The following CD59 variants were observed in gnomAD, a reference collection of about 807,000 sequenced individuals.
The protein encoded by CD59 is CD59 molecule (CD59 blood group).
Under a neutral mutation model 7.0 loss-of-function variants are expected in CD59, and 3 were observed. That is an observed-to-expected ratio of 0.43 (90% CI 0.19 to 1.10). CD59 has a LOEUF of 1.10. Ranked by LOEUF, CD59 falls within the 50% of genes least tolerant of loss-of-function variation. The pLI, the probability that CD59 is intolerant of heterozygous loss-of-function variation, is 0.29. For missense variants in CD59, 143 were observed against 151.0 expected, an observed-to-expected ratio of 0.95 and a Z score of 0.28; for synonymous variants, 60 against 62.0, an observed-to-expected ratio of 0.97 and a Z score of 0.15.
chr11:33,713,440 C>T (rs1853652332), intron 3 of CD59, among the ~76,000 whole-genome samples: 1 of 152,210 alleles, frequency 6.6e-6, no homozygotes, highest in Admixed American at 6.5e-5. Context: ...GCATAACTGT[C>T]CTGTCCTCCT....
At chr11:33,720,121 A>G (rs1170492587) in intron 2 of CD59, among the ~76,000 whole-genome samples, 1 of 152,238 alleles carries the variant, frequency 6.6e-6, no homozygotes, top group African/African-American at 2.4e-5. Flanking sequence ...CATGGCAAAC[A>G]TGTTCATTCA....
At chr11:33,733,856 T>C (rs940911725) in intron 1 of CD59, among the ~76,000 whole-genome samples, 1 of 152,206 alleles carries the variant, frequency 6.6e-6, no homozygotes, top group African/African-American at 2.4e-5. Flanking sequence ...CCCATGAGTA[T>C]GGTTACTCCT....
At chr11:33,710,474 G>T in intron 3 of CD59, 131 bp from the exon 4 acceptor site, 1 of 740,226 alleles carries the variant, frequency 1.4e-6, no homozygotes. Context: ...CATCCCAGGT[G>T]GGTTGTAAAG....
intron 3 of CD59, among the ~76,000 whole-genome samples, chr11:33,715,476 T>C (rs1853747436): frequency 6.6e-6 from 1 of 152,186 alleles, no homozygotes; most frequent in Non-Finnish European, 1.5e-5. Context: ...GGCTTATGCC[T>C]GTAATCCCAA....
intron 3 of CD59, among the ~76,000 whole-genome samples, chr11:33,716,600 G>A (rs904446823): frequency 1.3e-5 from 2 of 152,214 alleles, no homozygotes; most frequent in African/African-American, 4.8e-5. Context: ...GCATGTCTTT[G>A]CTGGTTTCTT....
In CD59 at chr11:33,722,364, G is replaced by A; in HGVS notation, c.67+15C>T. 1 of 1,588,634 alleles carries A rather than the reference G, an allele frequency of 6.3e-7. No individual in the cohort carries two copies. On this transcript the variant is annotated intron_variant, in intron 2 of 3. Coordinates refer to ENST00000642928, the MANE Select transcript of CD59 (RefSeq NM_000611.6). ...AAGGCAGCCTAGATCCATGTCCTGA[G>A]ACTGGAGCACTCACCTGAATGGCAG...
At chr11:33,731,641 C>G (rs943382685) in intron 1 of CD59, among the ~76,000 whole-genome samples, 1 of 152,092 alleles carries the variant, frequency 6.6e-6, no homozygotes, top group Admixed American at 6.6e-5. Flanking sequence ...TCAGGTGCTG[C>G]GTTTCTGCTG....
chr11:33,710,916 T>C (rs1464317782), intron 3 of CD59, among the ~76,000 whole-genome samples: 1 of 151,592 alleles, frequency 6.6e-6, no homozygotes, highest in Non-Finnish European at 1.5e-5. Context: ...AAAAACCCAG[T>C]CCATTAATTT....
chr11:33,714,997 A>G (rs1038382113), intron 3 of CD59, among the ~76,000 whole-genome samples: 1 of 150,266 alleles, frequency 6.7e-6, no homozygotes, highest in African/African-American at 2.5e-5. Context: ...AGGCTAGAGT[A>G]CAATGGCACG....
chr11:33,711,598 A>G, intron 3 of CD59: 1 of 566,276 alleles, frequency 1.8e-6, no homozygotes, highest in Non-Finnish European at 3.1e-6. Context: ...GATCACTTGG[A>G]CTCAGGACTT....
rs1219462979 is a variant in CD59, at chr11:33,704,270, T to C, written c.*5856A>G. On this transcript the variant is annotated 3_prime_UTR_variant, in exon 4 of 4. Coordinates refer to ENST00000642928, the MANE Select transcript of CD59 (RefSeq NM_000611.6). ...CTGAACCCCAATTGTCTCTGATCTA[T>C]AAAATGAAGACAGTATCTACTTCAT... The C allele has an allele frequency of 6.6e-6, 1 of 152,208 alleles. No individual in the cohort carries two copies. Among genetic ancestry groups the C allele is most frequent in the Non-Finnish European group, 1.5e-5 (1 of 68,044 alleles). The allele number at this position is 152,208 out of a possible 1,614,324, so 9.4% of individuals were successfully genotyped here.
Position 33,710,239 on chromosome 11 carries a change from C to T in CD59, c.274G>A (p.Asp92Asn), listed in dbSNP as rs758095639. 1.4e-5 allele frequency: 22 copies of T among 1,613,994 alleles called. No individual in the cohort carries two copies. Among genetic ancestry groups the T allele is most frequent in the South Asian group, 3.3e-5 (3 of 91,088 alleles). The change falls in exon 4 of 4, where the codon GAC becomes AAC. Residue 92 changes from aspartate to asparagine, a missense_variant. Transcript: ENST00000642928. Reference sequence around the variant, plus strand: ...AGCTGTTCGTTAAAGTTACACAGGTCCTTCTTGCAGCAGTAGTACGTTAGC... The same window carrying T: ...AGCTGTTCGTTAAAGTTACACAGGTTCTTCTTGCAGCAGTAGTACGTTAGC... ...NELTYYCCKK[D>N]LCNFNEQLEN...
chr11:33,714,685 CTTATT>C (rs1853709051), intron 3 of CD59, among the ~76,000 whole-genome samples: 1 of 152,102 alleles, frequency 6.6e-6, no homozygotes. Flanking sequence ...TCTTTCTATT[CTTATT>C]TTATAAGCTT....
Position 33,730,358 on chromosome 11 carries a change from T to G in CD59, c.-19+6024A>C, listed in dbSNP as rs540845030. ...TGAGCCTGGGAGGTTGAGGCTGCAG[T>G]GGGCCAAGACACACCACTGCACTCC... On this transcript the variant is annotated intron_variant, in intron 1 of 3. Transcript: ENST00000642928. Among the ~76,000 whole-genome samples the G allele has an allele frequency of 6.6e-4, 101 of 152,098 alleles. 1 individual carries two copies. The highest frequency in any genetic ancestry group is 1.2e-3 in the Non-Finnish European group (83 of 67,982).
At chr11:33,732,194 A>G (rs547776274) in intron 1 of CD59, among the ~76,000 whole-genome samples, 2 of 151,998 alleles carry the variant, frequency 1.3e-5, no homozygotes, top group African/African-American at 4.8e-5. Flanking sequence ...CTTTATCAGC[A>G]GCATGAAAAT....
chr11:33,735,282 A>C (rs1307818658), intron 1 of CD59, among the ~76,000 whole-genome samples: 2 of 152,208 alleles, frequency 1.3e-5, no homozygotes, highest in Non-Finnish European at 1.5e-5. Context: ...GCTTTCCGTC[A>C]ATCATCTCAA....
rs973451385 is a variant in CD59 at position 33,705,538 on chromosome 11, G to C, written c.*4588C>G. 2 of 152,224 alleles carry C rather than the reference G, an allele frequency of 1.3e-5. No homozygotes were observed. The highest frequency in any genetic ancestry group is 1.3e-4 in the Admixed American group (2 of 15,278). The allele number at this position is 152,224 out of a possible 1,614,324, so 9.4% of individuals were successfully genotyped here. On this transcript the variant is annotated 3_prime_UTR_variant, in exon 4 of 4. Transcript: ENST00000642928. Reference sequence around the variant, plus strand: ...CAGGTTCTTCAGCCTTTGGAATCTAGGACTTGCACCAGTGGGTTGGTTGCC... The same window carrying C: ...CAGGTTCTTCAGCCTTTGGAATCTACGACTTGCACCAGTGGGTTGGTTGCC...
At chr11:33,733,199 G>C (rs149179940) in intron 1 of CD59, among the ~76,000 whole-genome samples, 19 of 152,318 alleles carry the variant, frequency 1.2e-4, no homozygotes, top group Non-Finnish European at 2.8e-4. Context: ...GCAGCACAGA[G>C]CCCTGCCACC....
rs769448443 is a variant in CD59, at chr11:33,726,686, T to C, written c.-18-4223A>G. Reference sequence around the variant, plus strand: ...AAGAAATAACTAAGATCAGAGCAGATGTGAAGGAGATAGAGATACAAAAGA... The same window carrying C: ...AAGAAATAACTAAGATCAGAGCAGACGTGAAGGAGATAGAGATACAAAAGA... On this transcript the variant is annotated intron_variant, in intron 1 of 3. Coordinates refer to ENST00000642928, the MANE Select transcript of CD59 (RefSeq NM_000611.6). 5.0e-4 allele frequency among the ~76,000 whole-genome samples: 76 copies of C among 152,016 alleles called. 1 individual carries two copies. The highest frequency in any genetic ancestry group is 9.0e-4 in the Non-Finnish European group (61 of 67,994).
Sources: gnomAD v4.1 joint callset for allele counts (sites outside exome capture counted in the v4.1 genomes callset) on GRCh38, gnomAD v4.1.1 for gene constraint, MANE v1.5 for transcripts, NCBI Gene and HGNC (gene_info 2026-07-23, HGNC 2026-07-21) for gene names.